Variants in RELN observed in about 807,000 individuals in gnomAD.
RELN encodes the protein reelin.
Under a neutral mutation model 427.6 loss-of-function variants are expected in RELN, and 108 were observed. The ratio of observed to expected loss-of-function variants is 0.25; its 90% CI spans 0.22 to 0.30. RELN has a LOEUF of 0.30. Ranked by LOEUF, RELN falls within the 10% of genes least tolerant of loss-of-function variation. The pLI, the probability that RELN is intolerant of heterozygous loss-of-function variation, is 1.00. For missense variants in RELN, 3,715 were observed against 4,302.8 expected, an observed-to-expected ratio of 0.86 and a Z score of 3.82; for synonymous variants, 1,524 against 1,513.4, an observed-to-expected ratio of 1.01 and a Z score of -0.16.
At chr7:103,909,709 T>A (rs1427556626) in intron 2 of RELN, among the ~76,000 whole-genome samples, 3 of 41,492 alleles carry the variant, frequency 7.2e-5, no homozygotes, top group African/African-American at 2.5e-4. Context: ...TTAATATATA[T>A]AAATATATAT....
chr7:103,525,756 G>A (rs1412062715), intron 46 of RELN, among the ~76,000 whole-genome samples: 1 of 151,432 alleles, frequency 6.6e-6, no homozygotes, highest in East Asian at 1.9e-4. Flanking sequence ...TATCCCTTAG[G>A]GAATATTGGT....
intron 6 of RELN, among the ~76,000 whole-genome samples, chr7:103,729,712 T>G (rs143127687): frequency 1.3e-5 from 2 of 152,144 alleles, no homozygotes; most frequent in Non-Finnish European, 2.9e-5. Flanking sequence ...TTTGAGCACA[T>G]TGTATTCCTG....
chr7:103,743,328 T>A (rs555110009), intron 6 of RELN, among the ~76,000 whole-genome samples: 1 of 152,218 alleles, frequency 6.6e-6, no homozygotes, highest in South Asian at 2.1e-4. Flanking sequence ...GTAAAGAACA[T>A]CAAGGCTAGG....
intron 2 of RELN, among the ~76,000 whole-genome samples, chr7:103,900,473 A>C (rs148572010): frequency 0.027 from 4,144 of 152,296 alleles, 70 homozygotes; most frequent in Non-Finnish European, 0.044. Flanking sequence ...GAACAAAAAA[A>C]GAGCCCGCAT....
rs148242679 is a variant in RELN, at chr7:103,728,949, G to A, written c.657-742C>T. ...AGCTCCTATCTTTATACTATAAAAC[G>A]AAGTGGTTATTAAAATCTTAGGACA... On this transcript the variant is annotated intron_variant, in intron 6 of 64. Transcript: ENST00000428762. 2.1e-3 allele frequency among the ~76,000 whole-genome samples: 313 copies of A among 152,184 alleles called. 1 individual carries two copies. The highest frequency in any genetic ancestry group is 7.1e-3 in the African/African-American group (296 of 41,538).
intron 28 of RELN, among the ~76,000 whole-genome samples, chr7:103,583,712 A>T (rs1831206804): frequency 6.6e-6 from 1 of 152,254 alleles, no homozygotes; most frequent in South Asian, 2.1e-4. Flanking sequence ...GAGGCACAAA[A>T]GGAGAAGGAA....
intron 1 of RELN, among the ~76,000 whole-genome samples, chr7:103,979,409 C>T (rs1796944947): frequency 6.6e-6 from 1 of 152,208 alleles, no homozygotes; most frequent in South Asian, 2.1e-4. Context: ...CTGAGCTCTG[C>T]CCTCTGTGGC....
chr7:103,894,331 G>A (rs1245710375), intron 2 of RELN, among the ~76,000 whole-genome samples: 1 of 152,146 alleles, frequency 6.6e-6, no homozygotes, highest in Non-Finnish European at 1.5e-5. Flanking sequence ...TCAACAGCAT[G>A]CATCATAAAT....
Position 103,474,996 on chromosome 7 carries a change from T to C in RELN, c.10287-2088A>G, listed in dbSNP as rs547503113. 6.6e-5 allele frequency among the ~76,000 whole-genome samples: 10 copies of C among 152,290 alleles called. No individual in the cohort carries two copies. In the South Asian group the frequency reaches 1.5e-3, roughly 22 times the overall value. On this transcript the variant is annotated intron_variant, in intron 64 of 64. Transcript: ENST00000428762. ...CCCAAAACCATGCAGAATCCTCTTA[T>C]CTATGGAGCAACAGCTAAGCCAACT...
intron 2 of RELN, among the ~76,000 whole-genome samples, chr7:103,881,336 T>C (rs1175726598): frequency 6.6e-6 from 1 of 152,176 alleles, no homozygotes; most frequent in East Asian, 1.9e-4. Context: ...ATTTTGGTGA[T>C]AACCCTCTCC....
intron 3 of RELN, among the ~76,000 whole-genome samples, chr7:103,812,030 A>T (rs1792755938): frequency 6.6e-6 from 1 of 152,168 alleles, no homozygotes; most frequent in African/African-American, 2.4e-5. Context: ...CATCCATAGG[A>T]TCTGTAAAAA....
intron 19 of RELN, among the ~76,000 whole-genome samples, chr7:103,630,801 G>A (rs976270204): frequency 2.0e-5 from 3 of 150,734 alleles, no homozygotes; most frequent in Non-Finnish European, 4.4e-5. Flanking sequence ...TTAAACACCA[G>A]GAAAGGTGCT....
At chr7:103,621,943 G>T (rs1285157002) in intron 20 of RELN, among the ~76,000 whole-genome samples, 1 of 152,154 alleles carries the variant, frequency 6.6e-6, no homozygotes, top group Non-Finnish European at 1.5e-5. Context: ...TTGAACCTGG[G>T]AGGCAGAGGT....
At chr7:103,496,846 T>C (rs1032997989) in intron 55 of RELN, 78 bp from the exon 56 acceptor site, 1 of 1,527,320 alleles carries the variant, frequency 6.5e-7, no homozygotes. Flanking sequence ...ATACTTCAGA[T>C]ACTGTGAACT....
intron 3 of RELN, among the ~76,000 whole-genome samples, chr7:103,813,630 T>C (rs1253741087): frequency 6.6e-6 from 1 of 152,146 alleles, no homozygotes; most frequent in Non-Finnish European, 1.5e-5. Flanking sequence ...GACTGAATTT[T>C]CTACGTAAGG....
intron 8 of RELN, among the ~76,000 whole-genome samples, chr7:103,721,932 C>CT (rs746529468): frequency 6.6e-6 from 1 of 152,078 alleles, no homozygotes; most frequent in Non-Finnish European, 1.5e-5. Flanking sequence ...AAAAATAAAA[C>CT]TTTTTTTGAT....
chr7:103,547,952 T>G (rs1461555825), intron 41 of RELN, among the ~76,000 whole-genome samples: 1 of 152,232 alleles, frequency 6.6e-6, no homozygotes, highest in Non-Finnish European at 1.5e-5. Flanking sequence ...AATTTCTCAC[T>G]GCCACCCTCC....
intron 6 of RELN, among the ~76,000 whole-genome samples, chr7:103,748,167 A>G (rs1467860506): frequency 1.3e-5 from 2 of 150,308 alleles, no homozygotes; most frequent in Non-Finnish European, 3.0e-5. Context: ...CTTCTTATTA[A>G]TAAATATTTT....
chr7:103,694,543 A>G (rs1833937421), intron 10 of RELN, among the ~76,000 whole-genome samples: 1 of 151,922 alleles, frequency 6.6e-6, no homozygotes, highest in Admixed American at 6.6e-5. Context: ...TGAGTCTGGA[A>G]TGGTGAGTGC....
Sources: allele counts gnomAD v4.1 joint callset (sites outside exome capture counted in the v4.1 genomes callset), GRCh38; gene constraint gnomAD v4.1.1; transcripts MANE v1.5; gene names NCBI Gene and HGNC (gene_info 2026-07-23, HGNC 2026-07-21).